TBC1D9: variants seen among roughly 807,000 people sequenced by gnomAD.
The protein encoded by TBC1D9 is TBC1 domain family member 9.
A neutral mutation model predicts 132.0 loss-of-function variants in TBC1D9; 63 were observed. The observed-to-expected ratio is 0.48, with a 90% confidence interval of 0.39 to 0.59. The LOEUF is 0.59. TBC1D9 is among the 20% of genes least tolerant of loss of function. The pLI is 0.00. For synonymous variants in TBC1D9, 610 were observed against 609.9 expected (o/e 1.00, Z 0.00); for missense variants, 1,261 against 1,592.7 (o/e 0.79, Z 3.54).
rs969489219 is a variant in TBC1D9 at position 140,756,167 on chromosome 4, G to A, written c.-122C>T. ...CGCCCGCCCGTCCGCTAGGTGCGGC[G>A]GCGGCGGCGGCAGGCGACTTCAGGG... is the stretch of plus-strand genomic sequence containing the variant. On this transcript the variant is annotated 5_prime_UTR_variant, in exon 1 of 21. Transcript: ENST00000442267. This position sits in a 1 kb window ranked among gnomAD's most constrained non-coding sequence, Gnocchi z 5.6. 6 of 739,480 alleles carry A rather than the reference G, an allele frequency of 8.1e-6. No homozygotes were observed. Among genetic ancestry groups the A allele is most frequent in the Admixed American group, 4.4e-5 (1 of 22,648 alleles). The allele number at this position is 739,480 out of a possible 1,614,324, so 45.8% of individuals were successfully genotyped here.
chr4:140,640,096 T>G (rs1053517212), intron 13 of TBC1D9, among the ~76,000 whole-genome samples: 1 of 152,192 alleles, frequency 6.6e-6, no homozygotes, highest in African/African-American at 2.4e-5. Flanking sequence ...AATAGTTAAA[T>G]ATATTTGGAA....
At chr4:140,708,091 A>C (rs1439432411) in intron 1 of TBC1D9, among the ~76,000 whole-genome samples, 1 of 152,192 alleles carries the variant, frequency 6.6e-6, no homozygotes, top group Non-Finnish European at 1.5e-5. Context: ...CATTATGCTG[A>C]ATATTTATAA....
intron 1 of TBC1D9, among the ~76,000 whole-genome samples, chr4:140,702,011 A>G (rs915680997): frequency 6.6e-6 from 1 of 152,210 alleles, no homozygotes; most frequent in African/African-American, 2.4e-5. Flanking sequence ...AGTGGAGAAG[A>G]AGGTCAGGCA....
intron 1 of TBC1D9, among the ~76,000 whole-genome samples, chr4:140,717,481 A>G (rs1325872648): frequency 6.6e-6 from 1 of 152,252 alleles, no homozygotes; most frequent in Admixed American, 6.5e-5. Context: ...CCTTTTAGAC[A>G]TGACTCAGCT....
At chr4:140,643,121 TC>T in intron 13 of TBC1D9, 1 of 1,411,944 alleles carries the variant, frequency 7.1e-7, no homozygotes, top group Non-Finnish European at 9.8e-7. Context: ...CTTGAGCGGG[TC>T]CCACCACGGG....
chr4:140,662,000 G>A lies in TBC1D9; in HGVS notation c.1696C>T (p.Arg566Cys). The A allele has an allele frequency of 6.2e-7, 1 of 1,613,782 alleles. No homozygotes were observed. Among genetic ancestry groups the A allele is most frequent in the Non-Finnish European group, 8.5e-7 (1 of 1,179,766 alleles). ...AAAGCTGGGTGTTCTGGAAGGGAGC[G>A]GTGTAAATCCCTCTCAATCTCCTCC... ...ATEEIERDLH[R>C]SLPEHPAFQN... Residue 566 changes from arginine (R) to cysteine (C), a missense_variant, in exon 10 of 21, where the codon CGC becomes TGC. Arg to Cys is a radical substitution (Grantham distance 180). Transcript: ENST00000442267.
At chr4:140,691,889 T>C (rs1489987277) in intron 2 of TBC1D9, among the ~76,000 whole-genome samples, 1 of 152,172 alleles carries the variant, frequency 6.6e-6, no homozygotes, top group Non-Finnish European at 1.5e-5. Flanking sequence ...AGTCATGAAG[T>C]CTACTTGAAA....
At chr4:140,680,650 T>A (rs942958225) in intron 3 of TBC1D9, among the ~76,000 whole-genome samples, 1 of 152,182 alleles carries the variant, frequency 6.6e-6, no homozygotes, top group Non-Finnish European at 1.5e-5. Flanking sequence ...TGAAAATGCA[T>A]GACCTTTAGA....
At chr4:140,712,155 T>C (rs778691928) in intron 1 of TBC1D9, 10 of 151,766 alleles carry the variant, frequency 6.6e-5, no homozygotes, top group Non-Finnish European at 1.0e-4. Context: ...TAAGAGTCCA[T>C]ATCTAAATGA....
At chr4:140,641,282 T>G (rs553670132) in intron 13 of TBC1D9, among the ~76,000 whole-genome samples, 2 of 152,258 alleles carry the variant, frequency 1.3e-5, no homozygotes, top group South Asian at 4.1e-4. Flanking sequence ...CGTTCTATCT[T>G]TTGATCTGAG....
intron 1 of TBC1D9, among the ~76,000 whole-genome samples, chr4:140,719,863 G>A (rs1482844319): frequency 6.6e-6 from 1 of 152,156 alleles, no homozygotes; most frequent in Non-Finnish European, 1.5e-5. Context: ...CTGGAGTTGG[G>A]TTTGGTGGAA....
chr4:140,754,614 CAAAAAAAAAAAAAAA>C (rs34471976), intron 1 of TBC1D9, among the ~76,000 whole-genome samples: 8 of 23,260 alleles, frequency 3.4e-4, no homozygotes, highest in African/African-American at 5.9e-4. Context: ...GACTCTGTCT[CAAAAAAAAAAAAAAA>C]AAAAAAAAAA....
chr4:140,628,422 G>T, intron 16 of TBC1D9, 57 bp from the exon 17 acceptor site: 2 of 1,466,476 alleles, frequency 1.4e-6, no homozygotes, highest in Non-Finnish European at 9.6e-7. Flanking sequence ...TAAACTCCAG[G>T]CCTAGTGTTC....
At chr4:140,697,426 C>A (rs760167800) in intron 2 of TBC1D9, among the ~76,000 whole-genome samples, 73 of 152,034 alleles carry the variant, frequency 4.8e-4, no homozygotes, top group Non-Finnish European at 8.8e-4. Flanking sequence ...CAACAAAAAA[C>A]CACTTTCACA....
At chr4:140,682,121 C>T (rs943220220) in intron 3 of TBC1D9, among the ~76,000 whole-genome samples, 5 of 151,976 alleles carry the variant, frequency 3.3e-5, no homozygotes, top group Admixed American at 6.6e-5. Flanking sequence ...ATTGTATAAT[C>T]CAGAGTTGCA....
intron 7 of TBC1D9, 98 bp downstream of exon 7, chr4:140,670,622 G>A (rs554368446): frequency 6.3e-6 from 6 of 951,840 alleles, no homozygotes; most frequent in Admixed American, 2.1e-5. Context: ...GGCGTCAGAC[G>A]CAAAGCTTGA....
chr4:140,670,894 A>G lies in TBC1D9; in HGVS notation c.1092T>C (p.Ser364=). 7 of 1,614,034 alleles carry G rather than the reference A, an allele frequency of 4.3e-6. No individual in the cohort carries two copies. The highest frequency in any genetic ancestry group is 3.4e-6 in the Non-Finnish European group (4 of 1,179,894). ...TGATGGATAAGGGACTGGGGAGCAC[A>G]CTGGAGCTGTCTGCCTTTTCCACAA... ...VTIVEKADSS[S]VLPSPLSIST... is the part of the protein sequence containing the mutation. Residue 364 remains serine, a synonymous_variant, in exon 7 of 21, where the codon AGT becomes AGC. Coordinates refer to ENST00000442267, the MANE Select transcript of TBC1D9 (RefSeq NM_015130.3).
At chr4:140,746,707 C>G (rs1270182292) in intron 1 of TBC1D9, among the ~76,000 whole-genome samples, 2 of 152,130 alleles carry the variant, frequency 1.3e-5, no homozygotes, top group Non-Finnish European at 2.9e-5. Context: ...ATAAAGCCAT[C>G]AGATCTCGTG....
chr4:140,692,826 C>A (rs1737897010), intron 2 of TBC1D9, among the ~76,000 whole-genome samples: 1 of 152,006 alleles, frequency 6.6e-6, no homozygotes, highest in African/African-American at 2.4e-5. Flanking sequence ...TCGAGACCAG[C>A]CTGGGCAACA....
Sources: gnomAD v4.1 joint callset for allele counts (sites outside exome capture counted in the v4.1 genomes callset) on GRCh38, gnomAD v4.1.1 for gene constraint, Gnocchi (gnomAD v3.1) non-coding constraint, MANE v1.5 for transcripts, NCBI Gene and HGNC (gene_info 2026-07-23, HGNC 2026-07-21) for gene names.